Variants in MGAT5 observed in about 807,000 individuals in gnomAD.
MGAT5 encodes the protein alpha-1,6-mannosylglycoprotein 6-beta-N-acetylglucosaminyltransferase A.
In MGAT5, 30 loss-of-function variants were observed where a neutral mutation model predicts 94.3. The observed-to-expected ratio is 0.32, with a 90% CI of 0.24 to 0.43. The LOEUF is 0.43. Among genes scored for constraint, MGAT5 ranks in the 20% least tolerant of loss-of-function variants. The probability of loss-of-function intolerance (pLI) is 1.00; values close to 1 mark genes in which losing one functional copy is unlikely to be tolerated. For synonymous variants in MGAT5, 310 were observed against 322.9 expected, an observed-to-expected ratio of 0.96 and a Z score of 0.43; for missense variants, 691 against 905.5, an observed-to-expected ratio of 0.76 and a Z score of 3.04.
At chr2:134,418,727 G>A (rs1684111282) in intron 12 of MGAT5, among the ~76,000 whole-genome samples, 2 of 152,234 alleles carry the variant, frequency 1.3e-5, no homozygotes, top group Non-Finnish European at 2.9e-5. Flanking sequence ...GAGGAGCTGT[G>A]CTTTCAAGGA....
At chr2:134,349,377 G>A (rs185313104) in intron 8 of MGAT5, among the ~76,000 whole-genome samples, 133 of 152,238 alleles carry the variant, frequency 8.7e-4, no homozygotes, top group Non-Finnish European at 1.6e-3. Context: ...GAGATAACAC[G>A]TGTCATATGC....
intron 1 of MGAT5, among the ~76,000 whole-genome samples, chr2:134,145,208 C>CTGTG (rs1285652101): frequency 3.0e-5 from 3 of 99,670 alleles, no homozygotes; most frequent in African/African-American, 1.8e-4. Context: ...GTGTGTGTCT[C>CTGTG]TCTCTCTGTG....
At chr2:134,304,061 G>A (rs976259467) in intron 2 of MGAT5, among the ~76,000 whole-genome samples, 2 of 152,158 alleles carry the variant, frequency 1.3e-5, no homozygotes, top group African/African-American at 4.8e-5. Context: ...TATTGCCAAT[G>A]CATAGTTTCT....
chr2:134,326,699 A>G (rs1687667044), intron 4 of MGAT5, among the ~76,000 whole-genome samples: 1 of 152,098 alleles, frequency 6.6e-6, no homozygotes, highest in Admixed American at 6.6e-5. Flanking sequence ...TAGCAACATC[A>G]AAAAAGTAAG....
chr2:134,201,815 G>GCT (rs1679799673), intron 1 of MGAT5, among the ~76,000 whole-genome samples: 1 of 88,790 alleles, frequency 1.1e-5, no homozygotes, highest in Non-Finnish European at 2.2e-5. Context: ...GCCAAGCGCT[G>GCT]CTTTTTTTTT....
chr2:134,309,376 T>C (rs1686516715), intron 2 of MGAT5, among the ~76,000 whole-genome samples: 1 of 152,262 alleles, frequency 6.6e-6, no homozygotes, highest in Non-Finnish European at 1.5e-5. Context: ...TCTGTTTAAC[T>C]TTTTAAGGAC....
In MGAT5 at chr2:134,237,150, C is replaced by T. The variant is rs11689422; in HGVS notation, c.-142-17112C>T. 2.3e-4 allele frequency among the ~76,000 whole-genome samples: 9 copies of T among 39,924 alleles called. No homozygotes were observed. The South Asian group carries it at 5.4e-3, about 24-fold the overall frequency. 26.2% of individuals were successfully genotyped at this position (39,924 alleles called of 152,430 possible). ...GTGTGTGTGTGTGTGTGTGTGTGTGCGCGTGTGTGTGAATTTTTACCCTCT... is the reference window on the plus strand; with the variant it reads ...GTGTGTGTGTGTGTGTGTGTGTGTGTGCGTGTGTGTGAATTTTTACCCTCT... On this transcript the variant is annotated intron_variant, in intron 1 of 16. Coordinates refer to the MGAT5 transcript ENST00000409645.
chr2:134,355,253 CT>C (rs1202951638), intron 9 of MGAT5, among the ~76,000 whole-genome samples: 2 of 152,206 alleles, frequency 1.3e-5, no homozygotes, highest in Non-Finnish European at 2.9e-5. Flanking sequence ...CCTGGTGTAA[CT>C]TTTATCTTTT....
intron 9 of MGAT5, among the ~76,000 whole-genome samples, chr2:134,356,099 C>T (rs565251587): frequency 7.9e-5 from 12 of 152,278 alleles, no homozygotes; most frequent in African/African-American, 2.9e-4. Context: ...AACATTTTGG[C>T]TATCATTCAC....
At chr2:134,124,739 T>G (rs1558944632) in intron 1 of MGAT5, among the ~76,000 whole-genome samples, 1 of 152,222 alleles carries the variant, frequency 6.6e-6, no homozygotes, top group Non-Finnish European at 1.5e-5. Flanking sequence ...TAGTAAGAGT[T>G]AACTACTGGT....
At chr2:134,410,107 C>T (rs534697565) in intron 11 of MGAT5, among the ~76,000 whole-genome samples, 33 of 152,312 alleles carry the variant, frequency 2.2e-4, no homozygotes, top group African/African-American at 7.9e-4. Flanking sequence ...TGTCTCTTGC[C>T]TCCTTGCTAA....
At chr2:134,120,264 C>T in exon 1 of MGAT5, 1 of 386,640 alleles carries the variant, frequency 2.6e-6, no homozygotes, top group Non-Finnish European at 4.6e-6. Flanking sequence ...GCGGGTGCTC[C>T]CGGCTGCTGC....
chr2:134,159,301 C>T (rs1249276890), intron 1 of MGAT5, among the ~76,000 whole-genome samples: 1 of 151,768 alleles, frequency 6.6e-6, no homozygotes, highest in Admixed American at 6.6e-5. Context: ...GCTTCCCTTC[C>T]TCTTTTTTTT....
intron 7 of MGAT5, among the ~76,000 whole-genome samples, chr2:134,344,470 C>T (rs1291802836): frequency 6.6e-6 from 1 of 150,952 alleles, no homozygotes; most frequent in Non-Finnish European, 1.5e-5. Flanking sequence ...AGAACAGGCT[C>T]TGGGGGAGAA....
At chr2:134,232,216 C>G (rs1681406626) in intron 1 of MGAT5, among the ~76,000 whole-genome samples, 4 of 152,164 alleles carry the variant, frequency 2.6e-5, no homozygotes, top group Admixed American at 2.6e-4. Context: ...CCTGTTCAGG[C>G]CTTTATTGGA....
chr2:134,344,556 C>T (rs916568943), intron 7 of MGAT5, among the ~76,000 whole-genome samples: 2 of 151,964 alleles, frequency 1.3e-5, no homozygotes, highest in African/African-American at 2.4e-5. Flanking sequence ...CCCTGAGAGA[C>T]TGGTATCCAA....
intron 1 of MGAT5, among the ~76,000 whole-genome samples, chr2:134,191,510 GCCTCCT>G (rs113436456): frequency 2.2e-5 from 3 of 138,994 alleles, no homozygotes; most frequent in African/African-American, 5.3e-5. Context: ...GCCGTCTTTC[GCCTCCT>G]CCTCCTCCTC....
At chr2:134,244,504 A>G (rs773315664) in intron 1 of MGAT5, among the ~76,000 whole-genome samples, 38 of 152,198 alleles carry the variant, frequency 2.5e-4, no homozygotes, top group Non-Finnish European at 5.0e-4. Context: ...AGAGATGTGG[A>G]GAAAATGAGA....
intron 1 of MGAT5, among the ~76,000 whole-genome samples, chr2:134,126,755 C>A (rs1685855610): frequency 6.6e-6 from 1 of 152,232 alleles, no homozygotes; most frequent in Admixed American, 6.5e-5. Flanking sequence ...TGGTTCCTCG[C>A]ACAGTGCCCT....
Sources: allele counts gnomAD v4.1 joint callset (sites outside exome capture counted in the v4.1 genomes callset), GRCh38; gene constraint gnomAD v4.1.1; transcripts MANE v1.5; gene names NCBI Gene and HGNC (gene_info 2026-07-23, HGNC 2026-07-21).